ADGRB3: variants seen among roughly 807,000 people sequenced by gnomAD.
The protein encoded by ADGRB3 is adhesion G protein-coupled receptor B3, also known as brain-specific angiogenesis inhibitor 3.
Under a neutral mutation model 193.4 loss-of-function variants are expected in ADGRB3, and 37 were observed. That is an observed-to-expected ratio of 0.19 (90% confidence interval 0.15 to 0.25). The LOEUF (loss-of-function observed/expected upper bound fraction) is 0.25, where lower values mean the gene tolerates loss of function less well. Among genes scored for constraint, ADGRB3 ranks in the 10% least tolerant of loss-of-function variants. The probability of loss-of-function intolerance (pLI) is 1.00; values close to 1 mark genes in which losing one functional copy is unlikely to be tolerated. For missense variants in ADGRB3, 1,637 were observed against 1,852.9 expected, an observed-to-expected ratio of 0.88 and a Z score of 2.14; for synonymous variants, 690 against 644.2, an observed-to-expected ratio of 1.07 and a Z score of -1.08.
intron 3 of ADGRB3, among the ~76,000 whole-genome samples, chr6:68,754,619 G>A (rs893970060): frequency 1.4e-4 from 22 of 152,132 alleles, no homozygotes; most frequent in African/African-American, 5.1e-4. Context: ...TTGGAAATAA[G>A]TGTGTAAAAT....
chr6:68,679,785 C>T (rs916635286), intron 3 of ADGRB3, among the ~76,000 whole-genome samples: 1 of 151,912 alleles, frequency 6.6e-6, no homozygotes, highest in African/African-American at 2.4e-5. Flanking sequence ...AATAGAAAAG[C>T]ATCATTTAAA....
In ADGRB3 at chr6:69,101,580, T is replaced by C. The variant is rs533292140; in HGVS notation, c.2480+25542T>C. Reference sequence around the variant, plus strand: ...AGGCTTTTATTTGCCATTTATATATTTCTTATAAAAATAGACTGTGAAAGA... The same window carrying C: ...AGGCTTTTATTTGCCATTTATATATCTCTTATAAAAATAGACTGTGAAAGA... On this transcript the variant is annotated intron_variant, in intron 17 of 31. Transcript: ENST00000370598. Among the ~76,000 whole-genome samples the C allele has an allele frequency of 1.7e-4, 26 of 152,226 alleles. No individual in the cohort carries two copies. In the South Asian group the frequency reaches 4.1e-3, roughly 24 times the overall value.
chr6:68,747,743 G>A (rs1435161008), intron 3 of ADGRB3, among the ~76,000 whole-genome samples: 2 of 152,142 alleles, frequency 1.3e-5, no homozygotes, highest in Admixed American at 1.3e-4. Context: ...TTACCTAGTT[G>A]AGAGTTTTCT....
chr6:68,749,604 A>G (rs968667989), intron 3 of ADGRB3, among the ~76,000 whole-genome samples: 2 of 152,096 alleles, frequency 1.3e-5, no homozygotes, highest in African/African-American at 2.4e-5. Flanking sequence ...CATCTGTCCA[A>G]TTACTCTGGC....
chr6:69,067,395 C>T (rs571279990), intron 16 of ADGRB3, among the ~76,000 whole-genome samples: 57 of 152,210 alleles, frequency 3.7e-4, no homozygotes, highest in African/African-American at 1.3e-3. Context: ...AACCATGACC[C>T]TATGACCTTT....
At chr6:68,948,484 G>GAT (rs1485572952) in intron 6 of ADGRB3, among the ~76,000 whole-genome samples, 2 of 152,032 alleles carry the variant, frequency 1.3e-5, no homozygotes, top group East Asian at 3.9e-4. Context: ...AAATTATATA[G>GAT]ATATATATAC....
At chr6:68,674,231 T>C (rs1337423172) in intron 3 of ADGRB3, among the ~76,000 whole-genome samples, 1 of 152,140 alleles carries the variant, frequency 6.6e-6, no homozygotes, top group African/African-American at 2.4e-5. Flanking sequence ...CTTTGATTGA[T>C]TTTTGTTTGG....
intron 17 of ADGRB3, among the ~76,000 whole-genome samples, chr6:69,161,000 G>T (rs1442783092): frequency 6.6e-6 from 1 of 151,962 alleles, no homozygotes; most frequent in Non-Finnish European, 1.5e-5. Flanking sequence ...AATTTTACCA[G>T]TTACTAGTAT....
chr6:68,736,326 A>G (rs1765870900), intron 3 of ADGRB3, among the ~76,000 whole-genome samples: 1 of 152,172 alleles, frequency 6.6e-6, no homozygotes, highest in African/African-American at 2.4e-5. Context: ...CCAGAAAATA[A>G]TTCTTTAAAA....
At chr6:68,643,946 A>G (rs78204314) in intron 3 of ADGRB3, among the ~76,000 whole-genome samples, 1 of 151,756 alleles carries the variant, frequency 6.6e-6, no homozygotes, top group Admixed American at 6.6e-5. Flanking sequence ...AAAAAAAAAA[A>G]TTCCATCTAA....
chr6:68,867,051 A>G (rs568321423), intron 3 of ADGRB3, among the ~76,000 whole-genome samples: 9 of 152,350 alleles, frequency 5.9e-5, no homozygotes, highest in African/African-American at 1.9e-4. Context: ...AATTCAAGCC[A>G]GCTGGAGAAA....
intron 20 of ADGRB3, among the ~76,000 whole-genome samples, chr6:69,312,080 A>G (rs1768207176): frequency 2.0e-5 from 3 of 151,846 alleles, no homozygotes. Context: ...CACTTCTGCC[A>G]ATGGAAGTGG....
intron 17 of ADGRB3, among the ~76,000 whole-genome samples, chr6:69,184,879 T>G (rs1363976158): frequency 6.6e-6 from 1 of 152,112 alleles, no homozygotes; most frequent in Non-Finnish European, 1.5e-5. Context: ...CATTCATTTT[T>G]TAAATGTCTG....
intron 17 of ADGRB3, among the ~76,000 whole-genome samples, chr6:69,204,291 CA>C (rs1189323434): frequency 2.6e-5 from 4 of 152,086 alleles, no homozygotes; most frequent in African/African-American, 9.7e-5. Context: ...ACTTAAATCA[CA>C]TTTTTTTTCC....
intron 20 of ADGRB3, among the ~76,000 whole-genome samples, chr6:69,309,210 T>C (rs1365369705): frequency 6.6e-6 from 1 of 151,742 alleles, no homozygotes; most frequent in Admixed American, 6.6e-5. Flanking sequence ...GATATTCCAC[T>C]GGACCTAAAA....
intron 3 of ADGRB3, among the ~76,000 whole-genome samples, chr6:68,799,606 A>G (rs1372674151): frequency 6.6e-6 from 1 of 152,242 alleles, no homozygotes; most frequent in Admixed American, 6.5e-5. Context: ...TGTACATTCT[A>G]TAAAGGAAAT....
chr6:68,654,504 T>C (rs944214755), intron 3 of ADGRB3, among the ~76,000 whole-genome samples: 10 of 152,110 alleles, frequency 6.6e-5, no homozygotes, highest in Middle Eastern at 3.4e-3. Flanking sequence ...CTGCTTTTTT[T>C]TTCTTCTTAT....
intron 3 of ADGRB3, among the ~76,000 whole-genome samples, chr6:68,926,137 C>A (rs979453144): frequency 6.6e-6 from 1 of 152,004 alleles, no homozygotes; most frequent in African/African-American, 2.4e-5. Context: ...TTTGGAGAAA[C>A]AATTCCTAAT....
chr6:69,009,405 G>A (rs565005623), intron 11 of ADGRB3, among the ~76,000 whole-genome samples: 7 of 152,180 alleles, frequency 4.6e-5, no homozygotes, highest in African/African-American at 1.7e-4. Context: ...AGAACAGAAA[G>A]AATAGCAGTC....
Sources: allele counts gnomAD v4.1 joint callset (sites outside exome capture counted in the v4.1 genomes callset), GRCh38; gene constraint gnomAD v4.1.1; transcripts MANE v1.5; gene names NCBI Gene and HGNC (gene_info 2026-07-23, HGNC 2026-07-21).